ALG6: variants seen among roughly 807,000 people sequenced by gnomAD.
ALG6 encodes the protein dolichyl pyrophosphate Man9GlcNAc2 alpha-1,3-glucosyltransferase.
ALG6 carries 46 observed loss-of-function variants against 66.6 expected under a neutral mutation model. That is an observed-to-expected ratio of 0.69 (90% confidence interval 0.55 to 0.88). The LOEUF (loss-of-function observed/expected upper bound fraction) is 0.88. Ranked by LOEUF, ALG6 falls within the 40% of genes least tolerant of loss-of-function variation. The pLI is 0.00. For missense variants in ALG6, 505 were observed against 586.8 expected (o/e 0.86, Z 1.44); for synonymous variants, 185 against 203.7 (o/e 0.91, Z 0.78).
intron 12 of ALG6, among the ~76,000 whole-genome samples, chr1:63,422,148 A>ACTATGAATTTATATTT (rs1195678746): frequency 0.074 from 4,516 of 61,038 alleles, 300 homozygotes; most frequent in South Asian, 0.1. Flanking sequence ...AATATATATA[A>ACTATGAATTTATATTT]ATATAAATAT....
intron 2 of ALG6, among the ~76,000 whole-genome samples, chr1:63,375,819 G>A (rs746805624): frequency 6.6e-6 from 1 of 151,700 alleles, no homozygotes; most frequent in Non-Finnish European, 1.5e-5. Context: ...CTTTTTTCTC[G>A]AATTATTTTT....
At chr1:63,397,076 C>T (rs1052048841) in intron 3 of ALG6, among the ~76,000 whole-genome samples, 7 of 151,662 alleles carry the variant, frequency 4.6e-5, no homozygotes, top group African/African-American at 9.7e-5. Context: ...CTGGAAATTT[C>T]GCATGTGTCC....
At chr1:63,417,945 G>C (rs1644553150) in intron 11 of ALG6, among the ~76,000 whole-genome samples, 2 of 152,204 alleles carry the variant, frequency 1.3e-5, no homozygotes, top group Admixed American at 1.3e-4. Flanking sequence ...AGACCAGCCT[G>C]ACCAACATGG....
chr1:63,380,836 C>CG (rs1268550667), intron 2 of ALG6, among the ~76,000 whole-genome samples: 1 of 152,144 alleles, frequency 6.6e-6, no homozygotes, highest in African/African-American at 2.4e-5. Context: ...AAACAGGACT[C>CG]CAGCTACTTA....
rs2100417529 is a variant in ALG6, at chr1:63,407,052, G to T, written c.430-10G>T. The stretch of plus-strand genomic sequence containing the variant: ...ATTACTTTCTTATCTCACAATATTT[G>T]TCTTTACAGATTGCTAATGCATTAT... On this transcript the variant is annotated splice_polypyrimidine_tract_variant and intron_variant, in intron 6 of 14. Coordinates refer to ENST00000263440, the MANE Select transcript of ALG6 (RefSeq NM_013339.4). 2 of 1,599,496 alleles carry T rather than the reference G, an allele frequency of 1.3e-6. No individual in the cohort carries two copies. Among genetic ancestry groups the T allele is most frequent in the South Asian group, 1.1e-5 (1 of 90,742 alleles).
intron 2 of ALG6, among the ~76,000 whole-genome samples, chr1:63,389,119 G>A (rs1245425159): frequency 6.6e-6 from 1 of 151,970 alleles, no homozygotes; most frequent in Non-Finnish European, 1.5e-5. Context: ...CTTTCTCTAG[G>A]TTTGGAATGT....
At chr1:63,378,388 T>C (rs925267000) in intron 2 of ALG6, among the ~76,000 whole-genome samples, 1 of 152,244 alleles carries the variant, frequency 6.6e-6, no homozygotes, top group African/African-American at 2.4e-5. Flanking sequence ...AGTTTCACTA[T>C]GATATATCTT....
chr1:63,425,538 G>A (rs1323371600), intron 12 of ALG6, among the ~76,000 whole-genome samples: 1 of 152,184 alleles, frequency 6.6e-6, no homozygotes, highest in Non-Finnish European at 1.5e-5. Flanking sequence ...GAAGTAGGAG[G>A]GAGAAGTGTG....
Position 63,436,772 on chromosome 1 carries a change from C to T in ALG6, c.1327-51C>T, listed in dbSNP as rs143354913. The T allele has an allele frequency of 7.6e-5, 118 of 1,543,828 alleles. No homozygotes were observed. The African/African-American group carries it at 1.3e-3, about 16-fold the overall frequency. ...TAGCTACAAGTCAATGTTTCCAGCA[C>T]ATTTAAATTTCACCTTTTATACTAC... On this transcript the variant is annotated intron_variant, in intron 14 of 14. Transcript: ENST00000263440.
chr1:63,418,978 TAA>T (rs1291328898), intron 11 of ALG6, among the ~76,000 whole-genome samples: 1 of 152,222 alleles, frequency 6.6e-6, no homozygotes, highest in East Asian at 1.9e-4. Context: ...GTGCATGTTT[TAA>T]AACACCAAAA....
intron 2 of ALG6, among the ~76,000 whole-genome samples, chr1:63,384,899 C>T (rs1325402816): frequency 1.3e-5 from 2 of 152,052 alleles, no homozygotes. Flanking sequence ...AAATTGAAGT[C>T]AGTGTAATGT....
intron 2 of ALG6, among the ~76,000 whole-genome samples, chr1:63,385,506 C>T (rs540605757): frequency 1.5e-3 from 235 of 152,222 alleles, no homozygotes; most frequent in South Asian, 2.9e-3. Flanking sequence ...CCACCACGCC[C>T]GGCCTTGAGC....
intron 3 of ALG6, among the ~76,000 whole-genome samples, chr1:63,401,002 A>G (rs1368730713): frequency 6.7e-6 from 1 of 149,566 alleles, no homozygotes; most frequent in Non-Finnish European, 1.5e-5. Flanking sequence ...CCGGTTTCCC[A>G]GATTCAAGCT....
intron 7 of ALG6, among the ~76,000 whole-genome samples, chr1:63,408,046 C>G (rs1644498591): frequency 6.6e-6 from 1 of 152,078 alleles, no homozygotes; most frequent in Admixed American, 6.6e-5. Flanking sequence ...AAATGTGACA[C>G]TCATGCAGAA....
intron 12 of ALG6, among the ~76,000 whole-genome samples, chr1:63,422,502 A>G (rs2100433759): frequency 7.1e-6 from 1 of 140,616 alleles, no homozygotes; most frequent in Admixed American, 7.6e-5. Context: ...AAGGTGTATT[A>G]AGGAAATGAG....
chr1:63,408,970 G>C (rs754870437), intron 7 of ALG6, among the ~76,000 whole-genome samples: 8 of 152,140 alleles, frequency 5.3e-5, no homozygotes, highest in Non-Finnish European at 1.2e-4. Context: ...AGTAGAGACA[G>C]GGTTTCACTG....
Position 63,419,531 on chromosome 1 carries a change from CTA to C in ALG6, c.1058+92_1058+93del. The stretch of plus-strand genomic sequence containing the variant: ...ATATACATTTGAATGCAAAACAAAA[CTA>C]CACAAATGTTATATCTTTGCATAAA... On this transcript the variant is annotated intron_variant, in intron 12 of 14. Transcript: ENST00000263440. 3 of 918,412 alleles carry C rather than the reference CTA, an allele frequency of 3.3e-6. No homozygotes were observed. In the South Asian group the frequency reaches 5.1e-5, roughly 16 times the overall value. The allele number at this position is 918,412 out of a possible 1,614,324, so 56.9% of individuals were successfully genotyped here.
chr1:63,436,062 C>CT (rs1644677182), intron 14 of ALG6, among the ~76,000 whole-genome samples: 1 of 152,146 alleles, frequency 6.6e-6, no homozygotes, highest in Non-Finnish European at 1.5e-5. Flanking sequence ...CCTTCGTGTG[C>CT]TTTACTCATT....
rs1009527149 is a variant in ALG6, at chr1:63,414,197, G to C, written c.902+51G>C. 2.3e-6 allele frequency: 3 copies of C among 1,282,094 alleles called. No homozygotes were observed. The Admixed American group carries it at 5.1e-5, about 22-fold the overall frequency. The allele number at this position is 1,282,094 out of a possible 1,614,324, so 79.4% of individuals were successfully genotyped here. On this transcript the variant is annotated intron_variant, in intron 10 of 14. Coordinates refer to ENST00000263440, the MANE Select transcript of ALG6 (RefSeq NM_013339.4). ...GTATTTTATAAGTTACTCTTTAAAAGCATTATGGTATTATTTCATTTATTT... is the reference window on the plus strand; with the variant it reads ...GTATTTTATAAGTTACTCTTTAAAACCATTATGGTATTATTTCATTTATTT...
Sources: allele counts gnomAD v4.1 joint callset (sites outside exome capture counted in the v4.1 genomes callset), GRCh38; gene constraint gnomAD v4.1.1; transcripts MANE v1.5; gene names NCBI Gene and HGNC (gene_info 2026-07-23, HGNC 2026-07-21).